The following IMMP2L variants were observed in gnomAD, a reference collection of about 807,000 sequenced individuals.
IMMP2L encodes mitochondrial inner membrane protease subunit 2.
IMMP2L carries 18 observed loss-of-function variants against 19.3 expected under a neutral mutation model. The ratio of observed to expected loss-of-function variants is 0.93; its 90% confidence interval spans 0.64 to 1.38. The LOEUF (loss-of-function observed/expected upper bound fraction) is 1.38. Ranked by LOEUF, IMMP2L falls within the 40% of genes most tolerant of loss-of-function variation. The pLI, the probability that IMMP2L is intolerant of heterozygous loss-of-function variation, is 0.00. For synonymous variants in IMMP2L, 76 were observed against 73.0 expected (o/e 1.04, Z -0.21); for missense variants, 233 against 218.2 (o/e 1.07, Z -0.43).
chr7:111,425,599 G>T (rs1008727183), intron 3 of IMMP2L, among the ~76,000 whole-genome samples: 6 of 150,916 alleles, frequency 4.0e-5, no homozygotes, highest in Non-Finnish European at 7.4e-5. Flanking sequence ...AGATATGAGT[G>T]GTGAGTATAC....
chr7:111,544,591 T>G (rs932119809), intron 1 of IMMP2L, among the ~76,000 whole-genome samples: 53 of 152,282 alleles, frequency 3.5e-4, no homozygotes. Flanking sequence ...CATTTACCTT[T>G]GGAATAATAC....
At chr7:111,281,176 AAGAAAG>A (rs1819735483) in intron 3 of IMMP2L, among the ~76,000 whole-genome samples, 2 of 64,554 alleles carry the variant, frequency 3.1e-5, no homozygotes, top group Admixed American at 1.6e-4. Context: ...GAAAGAAAGA[AAGAAAG>A]AAAGAAAGAA....
At chr7:111,099,694 G>C (rs1586256025) in intron 3 of IMMP2L, among the ~76,000 whole-genome samples, 1 of 151,240 alleles carries the variant, frequency 6.6e-6, no homozygotes, top group Admixed American at 6.6e-5. Flanking sequence ...TATTCAAAAT[G>C]AAGTTTTTTT....
At chr7:111,063,753 T>G (rs1287378289) in intron 3 of IMMP2L, among the ~76,000 whole-genome samples, 1 of 152,220 alleles carries the variant, frequency 6.6e-6, no homozygotes, top group Non-Finnish European at 1.5e-5. Context: ...CCAGTCTCTT[T>G]GCTAAAACAT....
intron 3 of IMMP2L, among the ~76,000 whole-genome samples, chr7:111,477,921 CT>C (rs1017916840): frequency 4.0e-5 from 6 of 151,834 alleles, no homozygotes; most frequent in African/African-American, 1.5e-4. Context: ...AGACTTTTAT[CT>C]TCTTTGGTTT....
At chr7:110,961,364 A>G (rs1818919673) in intron 4 of IMMP2L, among the ~76,000 whole-genome samples, 1 of 151,840 alleles carries the variant, frequency 6.6e-6, no homozygotes, top group African/African-American at 2.4e-5. Flanking sequence ...TCCTAATACA[A>G]TATAAATGCT....
chr7:110,873,857 C>T (rs1808794819), intron 5 of IMMP2L, among the ~76,000 whole-genome samples: 4 of 151,508 alleles, frequency 2.6e-5, no homozygotes, highest in Admixed American at 2.6e-4. Context: ...TGAAAGGTTA[C>T]TAGATTTCCT....
intron 5 of IMMP2L, among the ~76,000 whole-genome samples, chr7:110,793,768 T>C (rs1800642337): frequency 6.6e-6 from 1 of 152,194 alleles, no homozygotes; most frequent in African/African-American, 2.4e-5. Context: ...ATAATTACTA[T>C]GTAAGGAGAT....
intron 2 of IMMP2L, among the ~76,000 whole-genome samples, chr7:111,510,297 A>T (rs1315550966): frequency 1.3e-5 from 2 of 152,132 alleles, no homozygotes; most frequent in Non-Finnish European, 2.9e-5. Context: ...TCAGAAACCC[A>T]GTTTTTTCGA....
At chr7:111,462,018 G>T (rs1402229473) in intron 3 of IMMP2L, among the ~76,000 whole-genome samples, 1 of 151,610 alleles carries the variant, frequency 6.6e-6, no homozygotes, top group Non-Finnish European at 1.5e-5. Context: ...AAAAAACCTG[G>T]ATGTGTATGT....
chr7:110,681,651 C>G (rs1286406531), intron 5 of IMMP2L, among the ~76,000 whole-genome samples: 2 of 152,160 alleles, frequency 1.3e-5, no homozygotes, highest in Admixed American at 6.5e-5. Context: ...CTACTACATG[C>G]AAAGCACACT....
At chr7:111,400,617 C>A (rs151004665) in intron 3 of IMMP2L, among the ~76,000 whole-genome samples, 1 of 152,164 alleles carries the variant, frequency 6.6e-6, no homozygotes, top group African/African-American at 2.4e-5. Context: ...GTAGTCTGAA[C>A]AACAGTGCAT....
At chr7:110,820,106 C>T (rs2131327383) in intron 5 of IMMP2L, among the ~76,000 whole-genome samples, 1 of 152,140 alleles carries the variant, frequency 6.6e-6, no homozygotes, top group Non-Finnish European at 1.5e-5. Context: ...CTCCACCTAA[C>T]TCCTAAAATA....
intron 3 of IMMP2L, among the ~76,000 whole-genome samples, chr7:111,194,430 T>C (rs1050299256): frequency 6.6e-6 from 1 of 152,160 alleles, no homozygotes; most frequent in African/African-American, 2.4e-5. Flanking sequence ...CCCAGCAGAA[T>C]CCACCCCTCC....
At chr7:111,252,072 A>T (rs1816198202) in intron 3 of IMMP2L, among the ~76,000 whole-genome samples, 1 of 152,120 alleles carries the variant, frequency 6.6e-6, no homozygotes, top group African/African-American at 2.4e-5. Flanking sequence ...CCAAGTAAAA[A>T]GAAAGCATTT....
At chr7:111,242,707 T>A (rs1316596665) in intron 3 of IMMP2L, among the ~76,000 whole-genome samples, 1 of 151,976 alleles carries the variant, frequency 6.6e-6, no homozygotes, top group African/African-American at 2.4e-5. Context: ...ATGACCACTC[T>A]AAATACTCCT....
intron 4 of IMMP2L, among the ~76,000 whole-genome samples, chr7:110,953,697 C>T (rs10264903): frequency 0.041 from 6,257 of 152,010 alleles, 432 homozygotes; most frequent in African/African-American, 0.14. Flanking sequence ...AATGGGATTG[C>T]GGGTCAAATA....
intron 3 of IMMP2L, among the ~76,000 whole-genome samples, chr7:111,117,050 G>A: frequency 6.6e-6 from 1 of 152,012 alleles, no homozygotes; most frequent in South Asian, 2.1e-4. Flanking sequence ...CTACTGTGTA[G>A]ATAAAAAGAT....
intron 3 of IMMP2L, among the ~76,000 whole-genome samples, chr7:111,380,144 C>T (rs1447309101): frequency 6.6e-6 from 1 of 151,808 alleles, no homozygotes; most frequent in Non-Finnish European, 1.5e-5. Context: ...AATTTGAAGG[C>T]ACTTCACAGT....
Sources: gnomAD v4.1 joint callset for allele counts (sites outside exome capture counted in the v4.1 genomes callset) on GRCh38, gnomAD v4.1.1 for gene constraint, MANE v1.5 for transcripts, NCBI Gene and HGNC (gene_info 2026-07-23, HGNC 2026-07-21) for gene names.